PTPN3: variants seen among roughly 807,000 people sequenced by gnomAD.
PTPN3 encodes the protein tyrosine-protein phosphatase non-receptor type 3.
A neutral mutation model predicts 132.7 loss-of-function variants in PTPN3; 96 were observed. The observed-to-expected ratio is 0.72, with a 90% CI of 0.61 to 0.86. PTPN3 has a LOEUF of 0.86. Ranked by LOEUF, PTPN3 falls within the 40% of genes least tolerant of loss-of-function variation. The probability of loss-of-function intolerance (pLI) is 0.00; values close to 1 mark genes in which losing one functional copy is unlikely to be tolerated. For synonymous variants in PTPN3, 398 were observed against 429.0 expected, an observed-to-expected ratio of 0.93 and a Z score of 0.89; for missense variants, 1,125 against 1,159.6, an observed-to-expected ratio of 0.97 and a Z score of 0.43.
At chr9:109,404,935 C>T (rs899103881) in intron 18 of PTPN3, among the ~76,000 whole-genome samples, 8 of 152,090 alleles carry the variant, frequency 5.3e-5, no homozygotes, top group African/African-American at 7.2e-5. Context: ...TCTTTCTGAC[C>T]GGGTTATTCT....
chr9:109,472,489 G>A (rs1201415533), intron 1 of PTPN3, among the ~76,000 whole-genome samples: 1 of 152,072 alleles, frequency 6.6e-6, no homozygotes, highest in Non-Finnish European at 1.5e-5. Context: ...ATGAAATTCA[G>A]CCCAACTAAT....
chr9:109,419,476 A>G (rs1842746356), intron 14 of PTPN3, among the ~76,000 whole-genome samples: 2 of 152,212 alleles, frequency 1.3e-5, no homozygotes, highest in East Asian at 1.9e-4. Flanking sequence ...TAGATACCCA[A>G]TGACTATGGT....
upstream of PTPN3, among the ~76,000 whole-genome samples, chr9:109,499,263 T>A (rs1342441222): frequency 6.6e-6 from 1 of 151,976 alleles, no homozygotes; most frequent in East Asian, 1.9e-4. Context: ...GAATTTTCAG[T>A]GAAGCGGTCG....
At chr9:109,531,691 G>A in the PTPN3 span, among the ~76,000 whole-genome samples, 5 of 152,300 alleles carry the variant, frequency 3.3e-5, no homozygotes, top group Admixed American at 3.3e-4. Flanking sequence ...TACATCATGT[G>A]AGATATGGTT....
chr9:109,463,358 C>G lies in PTPN3; in HGVS notation c.77G>C (p.Arg26Pro), dbSNP rs539799147. The G allele has an allele frequency of 2.5e-6, 4 of 1,613,790 alleles. No homozygotes were observed. The South Asian group carries it at 4.4e-5, about 18-fold the overall frequency. Residue 26 changes from arginine (R) to proline (P), a missense_variant, in exon 2 of 26, where the codon CGA (arginine) becomes CCA (proline). Arg to Pro is a moderately radical substitution (Grantham distance 103). Transcript: ENST00000374541. The part of the protein sequence containing the change: ...RTSELPKEKT[R>P]SEVICSIHFL... ...GTGGATGCTGCAAATGACTTCTGATCGAGTTTTCTCTTTGGGTAACTCCGA... is the reference window on the plus strand; with the variant it reads ...GTGGATGCTGCAAATGACTTCTGATGGAGTTTTCTCTTTGGGTAACTCCGA...
At chr9:109,524,777 G>T in the PTPN3 span, among the ~76,000 whole-genome samples, 5 of 151,984 alleles carry the variant, frequency 3.3e-5, no homozygotes, top group Non-Finnish European at 5.9e-5. Flanking sequence ...TCGCTCTGTC[G>T]CCCAGTCTGG....
the PTPN3 span, among the ~76,000 whole-genome samples, chr9:109,528,699 T>A: frequency 8.6e-6 from 1 of 116,842 alleles, no homozygotes; most frequent in Middle Eastern, 4.0e-3. Flanking sequence ...TTGGTGCACT[T>A]TTCTATATAT....
chr9:109,418,129 C>T (rs548589048), intron 14 of PTPN3, among the ~76,000 whole-genome samples: 14 of 152,186 alleles, frequency 9.2e-5, no homozygotes, highest in Non-Finnish European at 1.6e-4. Flanking sequence ...ACGTACTGTT[C>T]CCTAAGCCCC....
At chr9:109,446,304 G>A (rs929307028) in intron 6 of PTPN3, among the ~76,000 whole-genome samples, 2 of 152,222 alleles carry the variant, frequency 1.3e-5, no homozygotes, top group South Asian at 4.1e-4. Flanking sequence ...TACCCAAGAT[G>A]TGAACCACTC....
At chr9:109,510,572 AAAAAATATATAT>A in the PTPN3 span, among the ~76,000 whole-genome samples, 5,611 of 55,250 alleles carry the variant, frequency 0.1, 379 homozygotes, top group South Asian at 0.31. Flanking sequence ...AAAAAAAAAA[AAAAAATATATAT>A]ATATATATAT....
chr9:109,454,711 T>C (rs1191737961), intron 4 of PTPN3, 137 bp from the exon 5 acceptor site: 8 of 652,812 alleles, frequency 1.2e-5, no homozygotes, highest in African/African-American at 9.1e-5. Flanking sequence ...ATTTCAAACA[T>C]GGAGTACATA....
intron 9 of PTPN3, among the ~76,000 whole-genome samples, chr9:109,436,009 C>A (rs1778925057): frequency 6.6e-6 from 1 of 152,126 alleles, no homozygotes; most frequent in Non-Finnish European, 1.5e-5. Context: ...CTCTATGAGC[C>A]TCGGTTTTCT....
In PTPN3 at chr9:109,391,562, C is replaced by T. The variant is rs374757954; in HGVS notation, c.1954-1G>A. 8 of 1,608,900 alleles carry T rather than the reference C, an allele frequency of 5.0e-6. No individual in the cohort carries two copies. The African/African-American group carries it at 5.4e-5, about 11-fold the overall frequency. On this transcript the variant is annotated splice_acceptor_variant, in intron 19 of 25. Coordinates refer to ENST00000374541, the MANE Select transcript of PTPN3 (RefSeq NM_002829.4). LOFTEE classifies it high-confidence loss of function. ...AACCTGGCTTTTTTCTGTAGAGTTG[C>T]TATGTGAGAAATAGAGAAAAAAGCA...
intron 1 of PTPN3, among the ~76,000 whole-genome samples, chr9:109,486,600 A>C (rs1041827386): frequency 1.3e-5 from 2 of 152,144 alleles, no homozygotes; most frequent in Non-Finnish European, 2.9e-5. Context: ...TTAAGAAAGA[A>C]GGTGATGAGC....
At chr9:109,416,352 G>A (rs1052695787) in intron 14 of PTPN3, among the ~76,000 whole-genome samples, 13 of 152,178 alleles carry the variant, frequency 8.5e-5, no homozygotes, top group Admixed American at 1.3e-4. Context: ...AGGGCTCTCA[G>A]GGCTGGGGGA....
chr9:109,485,557 G>A (rs1283220556), intron 1 of PTPN3, among the ~76,000 whole-genome samples: 4 of 152,080 alleles, frequency 2.6e-5, no homozygotes, highest in South Asian at 4.2e-4. Flanking sequence ...AATAAAAAGA[G>A]TCATATATGA....
the PTPN3 span, among the ~76,000 whole-genome samples, chr9:109,517,685 T>C: frequency 1.3e-5 from 2 of 152,190 alleles, no homozygotes. Flanking sequence ...CTGATGACCA[T>C]GTGATGGAAA....
In PTPN3 at chr9:109,422,791, G is replaced by T. The variant is rs757816656; in HGVS notation, c.1063C>A (p.Arg355=). The T allele has an allele frequency of 6.2e-7, 1 of 1,611,256 alleles. No homozygotes were observed. The highest frequency in any genetic ancestry group is 8.5e-7 in the Non-Finnish European group (1 of 1,177,832). ...IGGMVWNPAM[R]RSLSVEHLET... ...AAGTGCTCCACTGATAAGGATCTCCGCATGGCTGGGTTCCACACCATCCCG... is the reference window on the plus strand; with the variant it reads ...AAGTGCTCCACTGATAAGGATCTCCTCATGGCTGGGTTCCACACCATCCCG... The change falls in exon 13 of 26, where the codon CGG becomes AGG. Residue 355 remains arginine (R), a synonymous_variant. Transcript: ENST00000374541.
chr9:109,505,925 A>AT, the PTPN3 span, among the ~76,000 whole-genome samples: 3 of 151,236 alleles, frequency 2.0e-5, no homozygotes, highest in Non-Finnish European at 2.9e-5. Flanking sequence ...AATTTTTTGT[A>AT]TTTTTTTAGT....
Sources: gnomAD v4.1 joint callset for allele counts (sites outside exome capture counted in the v4.1 genomes callset) on GRCh38, gnomAD v4.1.1 for gene constraint, MANE v1.5 for transcripts, NCBI Gene and HGNC (gene_info 2026-07-23, HGNC 2026-07-21) for gene names.